Variants in GAN observed in about 807,000 individuals in gnomAD.
GAN encodes the protein epididymis secretory sperm binding protein.
In GAN, 48 loss-of-function variants were observed where a neutral mutation model predicts 71.3. The ratio of observed to expected loss-of-function variants is 0.67; its 90% CI spans 0.53 to 0.86. The LOEUF is 0.86. Among genes scored for constraint, GAN ranks in the 40% least tolerant of loss-of-function variants. The pLI is 0.00. For missense variants in GAN, 928 were observed against 770.1 expected, an observed-to-expected ratio of 1.21 and a Z score of -2.43; for synonymous variants, 386 against 276.8, an observed-to-expected ratio of 1.39 and a Z score of -3.92.
chr16:81,335,324 C>G (rs1597393223), intron 1 of GAN, among the ~76,000 whole-genome samples: 4 of 152,238 alleles, frequency 2.6e-5, no homozygotes, highest in South Asian at 4.1e-4. Flanking sequence ...CTCTTAAAAT[C>G]CATTAAAATG....
rs1303101068 is a variant in GAN at position 81,379,377 on chromosome 16, A to G, written c.*1781A>G. 1 of 152,318 alleles carries G rather than the reference A, an allele frequency of 6.6e-6. No individual in the cohort carries two copies. Among genetic ancestry groups the G allele is most frequent in the South Asian group, 2.1e-4 (1 of 4,826 alleles). The allele number at this position is 152,318 out of a possible 1,614,324, so 9.4% of individuals were successfully genotyped here. On this transcript the variant is annotated 3_prime_UTR_variant, in exon 11 of 11. Transcript: ENST00000648994. The stretch of plus-strand genomic sequence containing the variant: ...CTCCATTTTAGCCAGAAGATACCTG[A>G]TAAGAGAAGGTGTAAGGTTTTTATC...
Position 81,330,602 on chromosome 16 carries a change from G to T in GAN, c.167+15322G>T, listed in dbSNP as rs537813945. ...TATAAAAGAATTTCAATTCGTATAT[G>T]TAGAAGAAATAGAGGATAGAAATCA... On this transcript the variant is annotated intron_variant, in intron 1 of 10. Transcript: ENST00000648994. 1.5e-3 allele frequency among the ~76,000 whole-genome samples: 236 copies of T among 152,358 alleles called. 1 individual carries two copies. The highest frequency in any genetic ancestry group is 5.5e-3 in the African/African-American group (229 of 41,590).
chr16:81,330,194 C>G (rs1175286288), intron 1 of GAN, among the ~76,000 whole-genome samples: 1 of 152,242 alleles, frequency 6.6e-6, no homozygotes, highest in East Asian at 1.9e-4. Context: ...TGCCTCCCTG[C>G]TCAGCCCCCG....
At position 81,366,819 on chromosome 16, in the gene GAN, CTT is replaced by C. The variant is rs956885911; in HGVS notation, c.1502+1349_1502+1350del. Among the ~76,000 whole-genome samples the C allele has an allele frequency of 2.0e-5, 3 of 151,244 alleles. No individual in the cohort carries two copies. In the South Asian group the frequency reaches 6.3e-4, roughly 32 times the overall value. On this transcript the variant is annotated intron_variant, in intron 9 of 10. Coordinates refer to ENST00000648994, the MANE Select transcript of GAN (RefSeq NM_022041.4). Reference sequence around the variant, plus strand: ...GGGCTGATTGCCCAAGGGATGAAGTCTTTTTTTTTCTTTCTTTCTTTTTTGGA... The same window carrying C: ...GGGCTGATTGCCCAAGGGATGAAGTCTTTTTTTCTTTCTTTCTTTTTTGGA...
chr16:81,351,389 T>A (rs1910294253), intron 1 of GAN, among the ~76,000 whole-genome samples, 194 bp from the exon 2 acceptor site: 1 of 152,202 alleles, frequency 6.6e-6, no homozygotes, highest in African/African-American at 2.4e-5. Context: ...GAAGTAGCAT[T>A]TGGGATCCTG....
At chr16:81,349,877 G>A (rs1374556874) in intron 1 of GAN, among the ~76,000 whole-genome samples, 2 of 152,120 alleles carry the variant, frequency 1.3e-5, no homozygotes, top group Non-Finnish European at 2.9e-5. Context: ...GTAACACAGT[G>A]TCAATCTTGA....
intron 1 of GAN, among the ~76,000 whole-genome samples, chr16:81,327,450 A>C (rs1040641833): frequency 6.6e-6 from 1 of 152,200 alleles, no homozygotes; most frequent in Non-Finnish European, 1.5e-5. Context: ...CTACTCCACT[A>C]TCTCCTTTCC....
At chr16:81,365,250 C>T (rs1567496373) in intron 8 of GAN, 100 bp from the exon 9 acceptor site, 23 of 1,563,776 alleles carry the variant, frequency 1.5e-5, no homozygotes, top group Middle Eastern at 2.2e-4. Flanking sequence ...GGAAGGCCCA[C>T]GTAGTAATGC....
At chr16:81,324,306 A>G (rs1343151965) in intron 1 of GAN, among the ~76,000 whole-genome samples, 5 of 151,694 alleles carry the variant, frequency 3.3e-5, no homozygotes, top group African/African-American at 9.7e-5. Flanking sequence ...AAAGGGGTCT[A>G]ATTACAGAGC....
At chr16:81,324,534 G>A (rs1350400787) in intron 1 of GAN, among the ~76,000 whole-genome samples, 1 of 152,158 alleles carries the variant, frequency 6.6e-6, no homozygotes, top group African/African-American at 2.4e-5. Context: ...ACCTGGAGAT[G>A]GTGAGCAAAG....
At chr16:81,336,995 T>TTTG (rs1909785757) in intron 1 of GAN, among the ~76,000 whole-genome samples, 2 of 152,088 alleles carry the variant, frequency 1.3e-5, no homozygotes, top group Non-Finnish European at 2.9e-5. Flanking sequence ...GTGGTGTGCC[T>TTTG]TCTATGGGTT....
At chr16:81,360,821 G>C (rs1356862015) in intron 5 of GAN, among the ~76,000 whole-genome samples, 2 of 152,022 alleles carry the variant, frequency 1.3e-5, no homozygotes, top group East Asian at 3.9e-4. Flanking sequence ...TATAATATTT[G>C]AAATCTTTGC....
Position 81,365,434 on chromosome 16 carries a change from G to C in GAN, c.1458G>C (p.Glu486Asp). The change falls in exon 9 of 11, where the codon GAG becomes GAC. Residue 486 changes from glutamate to aspartate, a missense_variant. Physicochemically the swap from Glu to Asp is conservative, Grantham distance 45. Coordinates refer to ENST00000648994, the MANE Select transcript of GAN (RefSeq NM_022041.4). ...VRSREDAQGS[E>D]MVTCKSEFYH... ...GTCGTGAGGACGCCCAGGGTAGCGAGATGGTAACTTGCAAGTCCGAGTTCT... is the reference window on the plus strand; with the variant it reads ...GTCGTGAGGACGCCCAGGGTAGCGACATGGTAACTTGCAAGTCCGAGTTCT... 6.2e-7 allele frequency: 1 copy of C among 1,613,698 alleles called. No homozygotes were observed. Among genetic ancestry groups the C allele is most frequent in the South Asian group, 1.1e-5 (1 of 91,060 alleles).
At chr16:81,332,282 G>A (rs1487092147) in intron 1 of GAN, among the ~76,000 whole-genome samples, 1 of 152,188 alleles carries the variant, frequency 6.6e-6, no homozygotes, top group Non-Finnish European at 1.5e-5. Flanking sequence ...ATTTCAGCAA[G>A]CTACCAGGTC....
At chr16:81,320,569 G>A (rs1050557463) in intron 1 of GAN, among the ~76,000 whole-genome samples, 5 of 152,162 alleles carry the variant, frequency 3.3e-5, no homozygotes, top group Admixed American at 6.5e-5. Flanking sequence ...TTCTTCACTT[G>A]TGTTTCGAGT....
At chr16:81,316,842 C>A (rs936783162) in intron 1 of GAN, among the ~76,000 whole-genome samples, 6 of 152,254 alleles carry the variant, frequency 3.9e-5, no homozygotes, top group Non-Finnish European at 2.9e-5. Context: ...CACAGTGTGA[C>A]CTCAATGAGG....
At chr16:81,350,744 C>G (rs926089690) in intron 1 of GAN, among the ~76,000 whole-genome samples, 2 of 152,172 alleles carry the variant, frequency 1.3e-5, no homozygotes, top group Admixed American at 6.5e-5. Flanking sequence ...GCCTCGAACT[C>G]CTGGCCTCAA....
intron 6 of GAN, 54 bp downstream of exon 6, chr16:81,362,665 T>G: frequency 3.1e-6 from 3 of 954,966 alleles, no homozygotes; most frequent in Non-Finnish European, 5.2e-6. Context: ...CCCTTAGCGC[T>G]TCTGTTTGTT....
In GAN at chr16:81,335,770, A is replaced by G. The variant is rs1909739249; in HGVS notation, c.168-15813A>G. ...TCAAAAAAAAAAAAAAAAAAAATCC[A>G]TTCAAATGATGAGTCATTCTAAGAT... On this transcript the variant is annotated intron_variant, in intron 1 of 10. Coordinates refer to ENST00000648994, the MANE Select transcript of GAN (RefSeq NM_022041.4). 4.9e-5 allele frequency among the ~76,000 whole-genome samples: 7 copies of G among 142,030 alleles called. No homozygotes were observed. In the South Asian group the frequency reaches 1.6e-3, roughly 32 times the overall value. 93.2% of individuals were successfully genotyped at this position (142,030 alleles called of 152,430 possible).
Sources: gnomAD v4.1 joint callset for allele counts (sites outside exome capture counted in the v4.1 genomes callset) on GRCh38, gnomAD v4.1.1 for gene constraint, MANE v1.5 for transcripts, NCBI Gene and HGNC (gene_info 2026-07-23, HGNC 2026-07-21) for gene names.